Variants in FGF12 observed in about 807,000 individuals in gnomAD.
FGF12 encodes fibroblast growth factor 12B.
FGF12 carries 14 observed loss-of-function variants against 23.6 expected under a neutral mutation model. The ratio of observed to expected loss-of-function variants is 0.59; its 90% CI spans 0.39 to 0.93. The LOEUF (loss-of-function observed/expected upper bound fraction) is 0.93. FGF12 is among the 40% of genes least tolerant of loss of function. The pLI is 0.00. For missense variants in FGF12, 175 were observed against 217.8 expected (o/e 0.80, Z 1.24); for synonymous variants, 62 against 77.3 (o/e 0.80, Z 1.04).
chr3:192,528,471 T>C (rs1295421171), intron 2 of FGF12, among the ~76,000 whole-genome samples: 1 of 152,118 alleles, frequency 6.6e-6, no homozygotes, highest in Non-Finnish European at 1.5e-5. Flanking sequence ...GCTGGTGTTG[T>C]GTGTCTGCAG....
intron 2 of FGF12, among the ~76,000 whole-genome samples, chr3:192,453,450 T>TA (rs923609306): frequency 8.6e-5 from 13 of 150,892 alleles, no homozygotes; most frequent in African/African-American, 1.5e-4. Flanking sequence ...CCCCCCTTTT[T>TA]AAAAAAAAAA....
intron 4 of FGF12, among the ~76,000 whole-genome samples, chr3:192,258,943 C>T (rs546063237): frequency 4.6e-5 from 7 of 152,182 alleles, no homozygotes; most frequent in South Asian, 2.1e-4. Context: ...TGCATTTGCA[C>T]GTATATTTAT....
At chr3:192,581,228 G>A (rs1385019790) in intron 2 of FGF12, among the ~76,000 whole-genome samples, 1 of 151,912 alleles carries the variant, frequency 6.6e-6, no homozygotes, top group Non-Finnish European at 1.5e-5. Flanking sequence ...AATAAAGTAT[G>A]TAGAGAATTA....
chr3:192,378,095 T>TTTCTTTCTG lies in FGF12; in HGVS notation c.14-17558_14-17557insCAGAAAGAA, dbSNP rs1553805102. Among the ~76,000 whole-genome samples, 368 of 82,702 alleles carry TTTCTTTCTG rather than the reference T, an allele frequency of 4.4e-3. 12 individuals are homozygous for TTTCTTTCTG. Among genetic ancestry groups the TTTCTTTCTG allele is most frequent in the East Asian group, 6.6e-3 (19 of 2,892 alleles). The allele number at this position is 82,702 out of a possible 152,430, so 54.3% of individuals were successfully genotyped here. ...CTTTCTTTCTTTCTTTCTTTCTTTCTTCTTTCTTTCCTTCTTTCTCTCTTT... is the reference window on the plus strand; with the variant it reads ...CTTTCTTTCTTTCTTTCTTTCTTTCTTTCTTTCTGTCTTTCTTTCCTTCTTTCTCTCTTT... On this transcript the variant is annotated intron_variant, in intron 2 of 5. Coordinates refer to ENST00000445105, the MANE Select transcript of FGF12 (RefSeq NM_004113.6).
chr3:192,491,250 C>T (rs1337730597), intron 2 of FGF12, among the ~76,000 whole-genome samples: 2 of 152,126 alleles, frequency 1.3e-5, no homozygotes, highest in Admixed American at 6.6e-5. Flanking sequence ...AACACCTCTT[C>T]TCCCCATAAG....
chr3:192,197,865 G>C (rs1484711150), intron 4 of FGF12, among the ~76,000 whole-genome samples: 2 of 144,102 alleles, frequency 1.4e-5, no homozygotes, highest in East Asian at 4.3e-4. Context: ...AGAATCACTT[G>C]AACCCAGGGG....
rs568596212 is a variant in FGF12 at position 192,237,089 on chromosome 3, A to G, written c.229-66433T>C. Among the ~76,000 whole-genome samples the G allele has an allele frequency of 3.9e-5, 6 of 152,092 alleles. No individual in the cohort carries two copies. In the East Asian group the frequency reaches 1.2e-3, roughly 29 times the overall value. On this transcript the variant is annotated intron_variant, in intron 4 of 5. Coordinates refer to ENST00000445105, the MANE Select transcript of FGF12 (RefSeq NM_004113.6). The stretch of plus-strand genomic sequence containing the variant: ...AAAGATTTTATTTCTCCTCCATTTA[A>G]GAAGTTTGGTTTGTCTGAATATGAA...
chr3:192,286,236 G>T (rs1396182404), intron 4 of FGF12, among the ~76,000 whole-genome samples: 1 of 151,888 alleles, frequency 6.6e-6, no homozygotes, highest in African/African-American at 2.4e-5. Context: ...TGTGCTGTTG[G>T]CGCCCATCAG....
intron 2 of FGF12, among the ~76,000 whole-genome samples, chr3:192,550,779 G>A (rs1018435801): frequency 6.6e-6 from 1 of 152,026 alleles, no homozygotes; most frequent in Non-Finnish European, 1.5e-5. Flanking sequence ...TTAAGAAAAA[G>A]AATATAATTC....
At chr3:192,387,118 G>T (rs1720078867) in intron 2 of FGF12, among the ~76,000 whole-genome samples, 1 of 152,162 alleles carries the variant, frequency 6.6e-6, no homozygotes, top group Non-Finnish European at 1.5e-5. Flanking sequence ...CTGTCTCACT[G>T]CACTGCAAAT....
At chr3:192,657,713 A>G (rs1275645806) in intron 2 of FGF12, among the ~76,000 whole-genome samples, 9 of 152,230 alleles carry the variant, frequency 5.9e-5, no homozygotes, top group African/African-American at 2.4e-5. Context: ...TGGCTATAGT[A>G]TAATGGGATC....
chr3:192,574,005 A>G (rs779342277), intron 2 of FGF12, among the ~76,000 whole-genome samples: 3 of 152,200 alleles, frequency 2.0e-5, no homozygotes, highest in Non-Finnish European at 4.4e-5. Flanking sequence ...CTGCCCAGCC[A>G]TTCCCTAACA....
chr3:192,367,729 C>G (rs138022672), intron 2 of FGF12, among the ~76,000 whole-genome samples: 6 of 152,120 alleles, frequency 3.9e-5, no homozygotes, highest in African/African-American at 1.2e-4. Flanking sequence ...GTGAACAGAC[C>G]TGGAGGAACA....
chr3:192,325,314 G>T (rs1199392467), intron 4 of FGF12, among the ~76,000 whole-genome samples: 2 of 151,954 alleles, frequency 1.3e-5, no homozygotes, highest in South Asian at 4.1e-4. Context: ...TGTGACAAAG[G>T]TCAAGGAAAT....
rs1340223374 is a variant in FGF12, at chr3:192,499,516, A to ATATATATAT, written c.14-138979_14-138978insATATATATA. Among the ~76,000 whole-genome samples, 9 of 38,872 alleles carry ATATATATAT rather than the reference A, an allele frequency of 2.3e-4. 1 individual carries two copies. Among genetic ancestry groups the ATATATATAT allele is most frequent in the African/African-American group, 8.6e-4 (8 of 9,356 alleles). 25.5% of individuals were successfully genotyped at this position (38,872 alleles called of 152,430 possible). A position where few individuals can be genotyped will look rare whatever the true frequency, so the allele number is the denominator to read the frequency against. On this transcript the variant is annotated intron_variant, in intron 2 of 5. Transcript: ENST00000445105. ...TCCATATATATATATATATATATAT[A>ATATATATAT]TTTTTTTTTTTTTTTTTTTTTTTTT...
chr3:192,688,415 G>A lies in FGF12; in HGVS notation c.13+38766C>T, dbSNP rs114016466. ...TTACCAAAACCAGTCTATAAAGTTT[G>A]GAAAAAGAATGCACGCATCAAATGC... On this transcript the variant is annotated intron_variant, in intron 2 of 5. Transcript: ENST00000445105. Among the ~76,000 whole-genome samples, 547 of 152,248 alleles carry A rather than the reference G, an allele frequency of 3.6e-3. 2 individuals are homozygous for A. The highest frequency in any genetic ancestry group is 0.012 in the African/African-American group (488 of 41,546).
chr3:192,642,149 C>T (rs1875736), intron 2 of FGF12, among the ~76,000 whole-genome samples: 87,487 of 152,058 alleles, frequency 0.58, 25,565 homozygotes, highest in East Asian at 0.67. Flanking sequence ...TCTCAATAGT[C>T]GACACCTCCT....
At chr3:192,511,132 C>T (rs762168279) in intron 2 of FGF12, among the ~76,000 whole-genome samples, 5 of 151,932 alleles carry the variant, frequency 3.3e-5, no homozygotes, top group Non-Finnish European at 5.9e-5. Flanking sequence ...GAGTAAATAA[C>T]GCAGAAGAGT....
intron 2 of FGF12, among the ~76,000 whole-genome samples, chr3:192,418,172 T>C (rs758190958): frequency 2.6e-4 from 39 of 152,262 alleles, no homozygotes; most frequent in Non-Finnish European, 4.4e-4. Flanking sequence ...TTCAATAAAG[T>C]CTTATGTTAA....
Sources: gnomAD v4.1 joint callset for allele counts (sites outside exome capture counted in the v4.1 genomes callset) on GRCh38, gnomAD v4.1.1 for gene constraint, MANE v1.5 for transcripts, NCBI Gene and HGNC (gene_info 2026-07-23, HGNC 2026-07-21) for gene names.